TBX22: variants seen among roughly 807,000 people sequenced by gnomAD.
TBX22 encodes the protein T-box transcription factor 22.
TBX22 carries 8 observed loss-of-function variants against 30.1 expected under a neutral mutation model. The ratio of observed to expected loss-of-function variants is 0.27; its 90% CI spans 0.16 to 0.48. The LOEUF (loss-of-function observed/expected upper bound fraction) is 0.48. TBX22 is among the 20% of genes least tolerant of loss of function. The probability of loss-of-function intolerance (pLI) is 0.99; values close to 1 mark genes in which losing one functional copy is unlikely to be tolerated. For missense variants in TBX22, 463 were observed against 400.5 expected (o/e 1.16, Z -1.33); for synonymous variants, 173 against 149.1 (o/e 1.16, Z -1.17).
intron 1 of TBX22, among the ~76,000 whole-genome samples, chrX:80,015,247 G>T (rs1483893329): frequency 2.7e-5 from 3 of 112,296 alleles, no homozygotes; most frequent in Non-Finnish European, 3.8e-5. Flanking sequence ...CTATGCATTA[G>T]TGCTCACAGA....
chrX:80,022,955 G>T, intron 2 of TBX22, 105 bp from the exon 3 acceptor site: 1 of 831,735 alleles, frequency 1.2e-6, no homozygotes, highest in Non-Finnish European at 1.8e-6. Flanking sequence ...AAAGTTCCTG[G>T]GGAAGGGACA....
intron 4 of TBX22, 75 bp downstream of exon 4, chrX:80,024,239 A>G: frequency 1.0e-6 from 1 of 953,685 alleles, no homozygotes; most frequent in Non-Finnish European, 1.5e-6. Context: ...CTGAAACCTG[A>G]CAGCATGACT....
chrX:80,022,992 C>CATGCT (rs1266905597), intron 2 of TBX22, 68 bp from the exon 3 acceptor site: 7 of 1,091,902 alleles, frequency 6.4e-6, no homozygotes, highest in Non-Finnish European at 7.6e-6. Context: ...AAGATAGGCA[C>CATGCT]CAGCGAGAAG....
At position 80,025,778 on chromosome X, in the gene TBX22, G is replaced by A. The variant is rs1602410916; in HGVS notation, c.633+1G>A. 4 of 1,197,834 alleles carry A rather than the reference G, an allele frequency of 3.3e-6. No homozygotes were observed. The highest frequency in any genetic ancestry group is 2.3e-5 in the Admixed American group (1 of 44,424). Reference sequence around the variant, plus strand: ...CAATGAGATGGATGACAAAGGCCACGTACGTGAGCACAATCCTTTACCCCG... The same window carrying A: ...CAATGAGATGGATGACAAAGGCCACATACGTGAGCACAATCCTTTACCCCG... On this transcript the variant is annotated splice_donor_variant, in intron 5 of 8. Coordinates refer to ENST00000373296, the MANE Select transcript of TBX22 (RefSeq NM_001109878.2). LOFTEE classifies it high-confidence loss of function.
Position 80,022,382 on chromosome X carries a change from AAAAGGG to A in TBX22, c.114_119del (p.Lys38_Gly40delinsAsn), listed in dbSNP as rs753743609. ...GCGGAGCAGCCTGAGCTGCGGGAGA[AAAAGGG>A]CGGAGAGGAAGAGGAGGAGAGAAGG... On this transcript the variant is annotated inframe_deletion, in exon 2 of 9. Transcript: ENST00000373296. 4.1e-6 allele frequency: 5 copies of A among 1,207,774 alleles called. No homozygotes were observed. The South Asian group carries it at 8.9e-5, about 21-fold the overall frequency.
At chrX:80,027,376 T>G (rs1351640749) in intron 7 of TBX22, 56 bp downstream of exon 7, 1 of 275,187 alleles carries the variant, frequency 3.6e-6, no homozygotes. Flanking sequence ...TTTCACAAGT[T>G]TTTTTTTTTT....
In TBX22 at chrX:80,023,176, G is replaced by C; in HGVS notation, c.292G>C (p.Gly98Arg). The change falls in exon 3 of 9, where the codon GGA becomes CGA. Residue 98 changes from glycine to arginine, a missense_variant. Gly to Arg is a moderately radical substitution (Grantham distance 125). Coordinates refer to ENST00000373296, the MANE Select transcript of TBX22 (RefSeq NM_001109878.2). Reference protein sequence around the residue: ...EEKDIQMELQGSELWKRFHDI... With the variant: ...EEKDIQMELQRSELWKRFHDI... ...GAAAGATATTCAAATGGAGCTTCAA[G>C]GATCTGAACTGTGGAAAAGATTCCA... The C allele has an allele frequency of 8.3e-7, 1 of 1,211,944 alleles. No individual in the cohort carries two copies.
At position 80,025,738 on chromosome X, in the gene TBX22, C is replaced by A; in HGVS notation, c.594C>A (p.Arg198=). The A allele has an allele frequency of 8.3e-7, 1 of 1,210,477 alleles. No homozygotes were observed. The highest frequency in any genetic ancestry group is 2.3e-4 in the Middle Eastern group (1 of 4,347). The change falls in exon 5 of 9, where the codon CGC becomes CGA. Residue 198 remains arginine, a synonymous_variant. Transcript: ENST00000373296. The part of the protein sequence containing the change: ...TWMRQIISFD[R]MKLTNNEMDD... ...TGCGGCAGATCATCAGCTTTGATCGCATGAAACTCACCAACAATGAGATGG... is the reference window on the plus strand; with the variant it reads ...TGCGGCAGATCATCAGCTTTGATCGAATGAAACTCACCAACAATGAGATGG...
intron 1 of TBX22, among the ~76,000 whole-genome samples, chrX:80,017,928 C>T (rs983243783): frequency 8.9e-6 from 1 of 111,897 alleles, no homozygotes; most frequent in African/African-American, 3.2e-5. Flanking sequence ...CAACAGAATG[C>T]ATTTTCCTGT....
At position 80,024,044 on chromosome X, in the gene TBX22, C is replaced by G. The variant is rs1923849063; in HGVS notation, c.357-19C>G. 8.3e-7 allele frequency: 1 copy of G among 1,202,354 alleles called. No individual in the cohort carries two copies. The highest frequency in any genetic ancestry group is 1.1e-6 in the Non-Finnish European group (1 of 887,006). On this transcript the variant is annotated intron_variant, in intron 3 of 8. Transcript: ENST00000373296. Reference sequence around the variant, plus strand: ...ATTTCTAAAAGCTCTTGGGTCAGTCCTTATTTTCTTTCTTACAGGCGGATG... The same window carrying G: ...ATTTCTAAAAGCTCTTGGGTCAGTCGTTATTTTCTTTCTTACAGGCGGATG...
intron 8 of TBX22, among the ~76,000 whole-genome samples, chrX:80,029,330 C>CA (rs1412338496): frequency 1.8e-5 from 2 of 112,080 alleles, no homozygotes; most frequent in Non-Finnish European, 3.8e-5. Context: ...CAGACATTTA[C>CA]AAAAATAAGC....
intron 1 of TBX22, among the ~76,000 whole-genome samples, chrX:80,016,800 G>A (rs890250965): frequency 1.8e-5 from 2 of 110,611 alleles, no homozygotes; most frequent in Non-Finnish European, 3.8e-5. Context: ...GAGGTCAGGA[G>A]TTCAAGACCA....
intron 5 of TBX22, 44 bp downstream of exon 5, chrX:80,025,821 G>A (rs754515624): frequency 8.9e-7 from 1 of 1,127,496 alleles, no homozygotes; most frequent in Non-Finnish European, 1.2e-6. Context: ...AGGTGCCAAG[G>A]CTCCTGCCCA....
chrX:80,025,794 C>T lies in TBX22; in HGVS notation c.633+17C>T. 8.4e-7 allele frequency: 1 copy of T among 1,185,290 alleles called. No homozygotes were observed. Among genetic ancestry groups the T allele is most frequent in the Non-Finnish European group, 1.1e-6 (1 of 879,555 alleles). On this transcript the variant is annotated intron_variant, in intron 5 of 8. Transcript: ENST00000373296. ...AAAGGCCACGTACGTGAGCACAATC[C>T]TTTACCCCGAGGAGGGAGGTGCCAA...
In TBX22 at chrX:80,028,105, T is replaced by C. The variant is rs779696535; in HGVS notation, c.949+29T>C. 4 of 1,128,154 alleles carry C rather than the reference T, an allele frequency of 3.5e-6. No homozygotes were observed. In the East Asian group the frequency reaches 1.2e-4, roughly 34 times the overall value. The allele number at this position is 1,128,154 out of a possible 1,213,427, so 93.0% of individuals were successfully genotyped here. A position where few individuals can be genotyped will look rare whatever the true frequency, so the allele number is the denominator to read the frequency against. ...AGAAAACTTGGAACGTTTGTTTTAT[T>C]TTTACATATCAATTAAATAACAACA... On this transcript the variant is annotated intron_variant, in intron 8 of 8. Transcript: ENST00000373296.
chrX:80,017,423 C>G (rs1923504402), intron 1 of TBX22, among the ~76,000 whole-genome samples: 1 of 109,872 alleles, frequency 9.1e-6, no homozygotes. Flanking sequence ...CTCAGCCTCC[C>G]AAAGCACTGA....
rs776290173 is a variant in TBX22 at position 80,026,799 on chromosome X, T to C, written c.729T>C (p.Thr243=). ...TGTCCCAGATTCAGTCCTTGCCCAC[T>C]GAAGGTGTTAAAACATTCTCCTTTA... ...VDLSQIQSLP[T]EGVKTFSFKE... is the part of the protein sequence containing the mutation. Residue 243 remains threonine, a synonymous_variant, in exon 6 of 9, where the codon ACT becomes ACC. Transcript: ENST00000373296. The C allele has an allele frequency of 8.3e-7, 1 of 1,211,559 alleles. No individual in the cohort carries two copies. Among genetic ancestry groups the C allele is most frequent in the South Asian group, 1.8e-5 (1 of 57,001 alleles).
chrX:80,031,444 C>A lies in TBX22; in HGVS notation c.*333C>A. ...TACTGAAGCTAGTTCACCACGTTAACTGCATTTTACACATTGACAATGACA... is the reference window on the plus strand; with the variant it reads ...TACTGAAGCTAGTTCACCACGTTAAATGCATTTTACACATTGACAATGACA... On this transcript the variant is annotated 3_prime_UTR_variant, in exon 9 of 9. Transcript: ENST00000373296. 1 of 189,055 alleles carries A rather than the reference C, an allele frequency of 5.3e-6. No individual in the cohort carries two copies. Among genetic ancestry groups the A allele is most frequent in the Non-Finnish European group, 9.7e-6 (1 of 102,619 alleles). 15.6% of individuals were successfully genotyped at this position (189,055 alleles called of 1,213,427 possible).
At chrX:80,020,880 A>T (rs1408651806) in intron 1 of TBX22, among the ~76,000 whole-genome samples, 2 of 112,105 alleles carry the variant, frequency 1.8e-5, no homozygotes, top group Non-Finnish European at 3.8e-5. Context: ...GTGTCAGAGG[A>T]GAATAATATA....
Sources: allele counts gnomAD v4.1 joint callset (sites outside exome capture counted in the v4.1 genomes callset), GRCh38; gene constraint gnomAD v4.1.1; transcripts MANE v1.5; gene names NCBI Gene and HGNC (gene_info 2026-07-23, HGNC 2026-07-21).